Variants in DLG5 observed in about 807,000 individuals in gnomAD.
DLG5 encodes the protein discs large MAGUK scaffold protein 5.
In DLG5, 48 loss-of-function variants were observed where a neutral mutation model predicts 189.8. The observed-to-expected ratio is 0.25, with a 90% CI of 0.20 to 0.32. The LOEUF is 0.32. Ranked by LOEUF, DLG5 falls within the 10% of genes least tolerant of loss-of-function variation. DLG5 has a pLI of 1.00. For synonymous variants in DLG5, 1,016 were observed against 1,054.1 expected (o/e 0.96, Z 0.70); for missense variants, 2,160 against 2,544.7 (o/e 0.85, Z 3.25).
At position 77,809,738 on chromosome 10, in the gene DLG5, G is replaced by T; in HGVS notation, c.4464-8C>A. On this transcript the variant is annotated splice_region_variant and splice_polypyrimidine_tract_variant and intron_variant, in intron 23 of 31. Transcript: ENST00000372391. ...TTGGCATCTCCCGCAATCCTTTCAG[G>T]AAAAAAACAAAGTTCCTCAACTGTG... 6.2e-7 allele frequency: 1 copy of T among 1,605,342 alleles called. No individual in the cohort carries two copies.
chr10:77,835,477 C>T (rs1439207424), intron 8 of DLG5, among the ~76,000 whole-genome samples: 3 of 152,216 alleles, frequency 2.0e-5, no homozygotes, highest in East Asian at 3.9e-4. Context: ...CGGCCTCGTG[C>T]CCCTTCACAG....
upstream of DLG5, among the ~76,000 whole-genome samples, chr10:77,930,187 C>T (rs1846773391): frequency 6.6e-6 from 1 of 152,166 alleles, no homozygotes. Context: ...GCTTGAGTCT[C>T]CCCATTCTCA....
rs1482941795 is a variant in DLG5 at position 77,796,666 on chromosome 10, C to T, written c.5165-72G>A. 24 of 1,587,834 alleles carry T rather than the reference C, an allele frequency of 1.5e-5. No homozygotes were observed. Among genetic ancestry groups the T allele is most frequent in the East Asian group, 1.4e-4 (6 of 44,286 alleles). On this transcript the variant is annotated intron_variant, in intron 27 of 31. Transcript: ENST00000372391. The surrounding 1 kb of genome is among the most constrained non-coding windows in gnomAD (Gnocchi z 5.2). ...GGACCTGAGTGGGGCTGGGGAACCC[C>T]GCTCCCTGACCTCGCCCACTCTGGT...
intron 22 of DLG5, among the ~76,000 whole-genome samples, chr10:77,811,552 C>G (rs1458117322): frequency 2.6e-5 from 4 of 152,104 alleles, no homozygotes; most frequent in Non-Finnish European, 2.9e-5. Context: ...CAGGGCATGC[C>G]TCCCCTTCTT....
At chr10:77,891,710 G>C (rs1275484625) in intron 1 of DLG5, among the ~76,000 whole-genome samples, 3 of 152,032 alleles carry the variant, frequency 2.0e-5, no homozygotes, top group Non-Finnish European at 4.4e-5. Context: ...CACAAAAAAA[G>C]GTCGCTGGAT....
rs768282855 is a variant in DLG5, at chr10:77,835,891, C to G, written c.1469G>C (p.Arg490Thr). The G allele has an allele frequency of 3.7e-6, 6 of 1,613,474 alleles. No individual in the cohort carries two copies. In the South Asian group the frequency reaches 4.4e-5, roughly 12 times the overall value. ...AAGGATTTCAACCTCCTTGTTGGCT[C>G]TCCCAGCATCCATTGTCACCGTGTC... The part of the protein sequence containing the change: ...IKDTVTMDAG[R>T]ANKEVEILRK... Residue 490 changes from arginine (R) to threonine (T), a missense_variant, in exon 8 of 32, where the codon AGA (arginine) becomes ACA (threonine). Transcript: ENST00000372391.
intron 17 of DLG5, among the ~76,000 whole-genome samples, chr10:77,818,287 ACT>A (rs1375085916): frequency 6.6e-6 from 1 of 152,086 alleles, no homozygotes; most frequent in Non-Finnish European, 1.5e-5. Context: ...TATGTGCCTC[ACT>A]CGGGACAGCG....
chr10:77,853,589 G>A (rs975020259), intron 4 of DLG5, 52 bp from the exon 5 acceptor site: 20 of 1,439,440 alleles, frequency 1.4e-5, no homozygotes, highest in African/African-American at 1.3e-4. Flanking sequence ...CTCACACCCC[G>A]CCCCACCCCA....
intron 3 of DLG5, among the ~76,000 whole-genome samples, chr10:77,854,756 C>G (rs1433384853): frequency 2.0e-5 from 3 of 152,000 alleles, no homozygotes; most frequent in Non-Finnish European, 4.4e-5. Flanking sequence ...GAGGCTGAGG[C>G]AGGTGGATCA....
At chr10:77,923,129 G>A (rs1226885194) in intron 1 of DLG5, among the ~76,000 whole-genome samples, 1 of 152,244 alleles carries the variant, frequency 6.6e-6, no homozygotes, top group Non-Finnish European at 1.5e-5. Flanking sequence ...ATCTCCAACA[G>A]AGAATCGGTG....
intron 9 of DLG5, among the ~76,000 whole-genome samples, chr10:77,833,545 G>A (rs560584342): frequency 0.019 from 257 of 13,400 alleles, 2 homozygotes; most frequent in South Asian, 0.031. Context: ...AAATCTCTGC[G>A]AGTGAGTGAG....
At chr10:77,827,284 G>A (rs1046947801) in intron 13 of DLG5, among the ~76,000 whole-genome samples, 6 of 152,138 alleles carry the variant, frequency 3.9e-5, no homozygotes, top group African/African-American at 1.4e-4. Context: ...AGAGTGCAGT[G>A]GCGCGATCTC....
At chr10:77,813,755 T>C (rs1248623) in intron 20 of DLG5, among the ~76,000 whole-genome samples, 107,387 of 152,086 alleles carry the variant, frequency 0.71, 38,232 homozygotes, top group African/African-American at 0.78. Flanking sequence ...AGCCACCCAA[T>C]AGAACAATGA....
In DLG5 at chr10:77,835,941, AG is replaced by A; in HGVS notation, c.1438-20del. 1 of 1,598,564 alleles carries A rather than the reference AG, an allele frequency of 6.3e-7. No homozygotes were observed. Among genetic ancestry groups the A allele is most frequent in the Non-Finnish European group, 8.6e-7 (1 of 1,168,312 alleles). On this transcript the variant is annotated intron_variant, in intron 7 of 31. Coordinates refer to ENST00000372391, the MANE Select transcript of DLG5 (RefSeq NM_004747.4). ...CTTTGATCTGGTGGGAGCAAGGGGC[AG>A]GAAGAGGGAGAGGTTGCTGAGCCTC...
intron 27 of DLG5, among the ~76,000 whole-genome samples, chr10:77,799,543 A>G (rs572842366): frequency 6.6e-6 from 1 of 152,316 alleles, no homozygotes; most frequent in East Asian, 1.9e-4. Context: ...TCGGATTTCC[A>G]ACCTCAAGAA....
intron 2 of DLG5, chr10:77,867,017 A>T: frequency 4.4e-6 from 2 of 457,268 alleles, no homozygotes; most frequent in Non-Finnish European, 4.4e-6. Flanking sequence ...CAAGAAACAC[A>T]TCAGAGCACT....
Position 77,869,418 on chromosome 10 carries a change from G to A in DLG5, c.305-221C>T, listed in dbSNP as rs1844812493. 25 of 516,154 alleles carry A rather than the reference G, an allele frequency of 4.8e-5. No homozygotes were observed. In the East Asian group the frequency reaches 9.4e-4, roughly 19 times the overall value. 32.0% of individuals were successfully genotyped at this position (516,154 alleles called of 1,614,324 possible). A position where few individuals can be genotyped will look rare whatever the true frequency, so the allele number is the denominator to read the frequency against. ...ACTTTATCGGCCCCTCCTGCTCTGGGCAGGCGGGCAGAGGGGAACTTGGAG... is the reference window on the plus strand; with the variant it reads ...ACTTTATCGGCCCCTCCTGCTCTGGACAGGCGGGCAGAGGGGAACTTGGAG... On this transcript the variant is annotated intron_variant, in intron 1 of 31. Transcript: ENST00000372391.
chr10:77,815,771 G>A (rs1228731569), intron 20 of DLG5, among the ~76,000 whole-genome samples: 2 of 152,206 alleles, frequency 1.3e-5, no homozygotes, highest in Non-Finnish European at 2.9e-5. Flanking sequence ...GTTTCTTTTG[G>A]TGATTAAATA....
At chr10:77,926,937 G>A, upstream of DLG5, 2 of 374,404 alleles carry the variant, frequency 5.3e-6, no homozygotes, top group South Asian at 3.6e-5. This position sits in a 1 kb window ranked among gnomAD's most constrained non-coding sequence, Gnocchi z 5.2. Flanking sequence ...CGCCCCCAGA[G>A]CAAGACTACA....
Sources: gnomAD v4.1 joint callset for allele counts (sites outside exome capture counted in the v4.1 genomes callset) on GRCh38, gnomAD v4.1.1 for gene constraint, Gnocchi (gnomAD v3.1) non-coding constraint, MANE v1.5 for transcripts, NCBI Gene and HGNC (gene_info 2026-07-23, HGNC 2026-07-21) for gene names.